PUDP: variants seen among roughly 807,000 people sequenced by gnomAD.
The protein encoded by PUDP is pseudouridine-5'-phosphatase.
Under a neutral mutation model 9.4 loss-of-function variants are expected in PUDP, and 8 were observed. The observed-to-expected ratio is 0.85, with a 90% CI of 0.50 to 1.53. The LOEUF (loss-of-function observed/expected upper bound fraction) is 1.53, where lower values mean the gene tolerates loss of function less well. PUDP is among the 40% of genes most tolerant of loss of function. The pLI, the probability that PUDP is intolerant of heterozygous loss-of-function variation, is 0.00. For synonymous variants in PUDP, 99 were observed against 80.7 expected, an observed-to-expected ratio of 1.23 and a Z score of -1.22; for missense variants, 188 against 189.7, an observed-to-expected ratio of 0.99 and a Z score of 0.05.
At chrX:6,738,512 A>G (rs1924899957) in intron 3 of PUDP, among the ~76,000 whole-genome samples, 1 of 111,831 alleles carries the variant, frequency 8.9e-6, no homozygotes, top group Admixed American at 9.5e-5. Context: ...TGTATTTTTG[A>G]AAGTTACCCT....
chrX:6,839,560 A>G (rs1399559997), intron 3 of PUDP, among the ~76,000 whole-genome samples: 1 of 111,765 alleles, frequency 8.9e-6, no homozygotes, highest in African/African-American at 3.3e-5. Flanking sequence ...ACCCTAAACC[A>G]ACGGGTTTTT....
At chrX:6,914,099 G>A (rs60621637) in intron 3 of PUDP, among the ~76,000 whole-genome samples, 3,129 of 104,255 alleles carry the variant, frequency 0.03, 68 homozygotes, top group African/African-American at 0.07. Flanking sequence ...TCTGGGAGGC[G>A]GAGCTTGCAG....
chrX:7,059,550 T>C (rs1156420827), intron 3 of PUDP, among the ~76,000 whole-genome samples: 2 of 112,039 alleles, frequency 1.8e-5, no homozygotes, highest in Non-Finnish European at 3.8e-5. Context: ...CTATCGGTTT[T>C]GTGTGTTTAG....
At chrX:6,989,672 A>G in intron 1 of PUDP, 1 of 113,482 alleles carries the variant, frequency 8.8e-6, no homozygotes, top group Middle Eastern at 4.6e-3. Flanking sequence ...GGTTGCCTTC[A>G]TGGGAAGTGC....
chrX:6,985,899 G>C (rs1929096619), intron 1 of PUDP, among the ~76,000 whole-genome samples: 1 of 111,334 alleles, frequency 9.0e-6, no homozygotes, highest in African/African-American at 3.3e-5. Context: ...TAAGTCACAG[G>C]GTGAGATAGG....
chrX:7,083,035 G>C (rs1294804819), intron 2 of PUDP, among the ~76,000 whole-genome samples: 6 of 112,721 alleles, frequency 5.3e-5, no homozygotes, highest in Middle Eastern at 4.6e-3. Flanking sequence ...CACAAGCCCA[G>C]GGATGCCTAG....
intron 3 of PUDP, among the ~76,000 whole-genome samples, chrX:6,769,913 G>A (rs954935418): frequency 8.9e-6 from 1 of 112,282 alleles, no homozygotes; most frequent in East Asian, 2.8e-4. Context: ...CAACCTAAAC[G>A]GGGGATAAAT....
In PUDP at chrX:7,019,511, G is replaced by A. The variant is rs774333400; in HGVS notation, c.205-41168C>T. 1.3e-3 allele frequency among the ~76,000 whole-genome samples: 146 copies of A among 111,791 alleles called. 1 individual carries two copies. Among genetic ancestry groups the A allele is most frequent in the Non-Finnish European group, 2.4e-3 (125 of 53,145 alleles). On this transcript the variant is annotated intron_variant and NMD_transcript_variant, in intron 1 of 3. Coordinates refer to the PUDP transcript ENST00000655425. ...GGAGACCATCCTCCCTCGTCTTACTGTAGGAAAGATGGACAGAGAGTCTGA... is the reference window on the plus strand; with the variant it reads ...GGAGACCATCCTCCCTCGTCTTACTATAGGAAAGATGGACAGAGAGTCTGA...
rs150528623 is a variant in PUDP at position 6,752,638 on chromosome X, G to C, written c.*248-46172C>G. On this transcript the variant is annotated intron_variant and NMD_transcript_variant, in intron 3 of 3. Coordinates refer to the PUDP transcript ENST00000655425. ...TATAGAACAGAGTGACGTCAGGAAG[G>C]CAAAGTCAAGAAGCCCTCAATGATG... Among the ~76,000 whole-genome samples the C allele has an allele frequency of 3.9e-4, 43 of 111,483 alleles. No homozygotes were observed. The East Asian group carries it at 0.011, about 28-fold the overall frequency.
At chrX:7,004,797 T>C (rs1236643554) in intron 1 of PUDP, among the ~76,000 whole-genome samples, 5 of 112,030 alleles carry the variant, frequency 4.5e-5, no homozygotes, top group African/African-American at 1.6e-4. Flanking sequence ...GGAGGTTCTT[T>C]CTTTAGGAAG....
At chrX:6,834,783 T>C in intron 3 of PUDP, among the ~76,000 whole-genome samples, 1 of 110,976 alleles carries the variant, frequency 9.0e-6, no homozygotes, top group South Asian at 3.9e-4. Context: ...CATCATCCCA[T>C]GGTGAAAGGG....
rs935305374 is a variant in PUDP at position 6,864,617 on chromosome X, G to T, written c.*247+112516C>A. Among the ~76,000 whole-genome samples, 8 of 111,572 alleles carry T rather than the reference G, an allele frequency of 7.2e-5. No individual in the cohort carries two copies. The Admixed American group carries it at 7.7e-4, about 11-fold the overall frequency. Reference sequence around the variant, plus strand: ...AGAAGTCCTAAGTGAATCTCACTGGGCTAAAACCTGTGTCAGTAAAGACGT... The same window carrying T: ...AGAAGTCCTAAGTGAATCTCACTGGTCTAAAACCTGTGTCAGTAAAGACGT... On this transcript the variant is annotated intron_variant and NMD_transcript_variant, in intron 3 of 3. Transcript: ENST00000655425.
intron 1 of PUDP, among the ~76,000 whole-genome samples, chrX:6,986,730 G>A (rs973705852): frequency 1.8e-5 from 2 of 111,531 alleles, no homozygotes; most frequent in African/African-American, 3.3e-5. Flanking sequence ...CTCTCTCCCC[G>A]GCTTCCAGGG....
At chrX:7,057,960 T>G in intron 3 of PUDP, 1 of 457,085 alleles carries the variant, frequency 2.2e-6, no homozygotes, top group Non-Finnish European at 3.8e-6. Context: ...TTCCCGGTGA[T>G]GCTTCCACCT....
intron 3 of PUDP, among the ~76,000 whole-genome samples, chrX:6,832,307 A>C (rs770445017): frequency 8.9e-6 from 1 of 111,995 alleles, no homozygotes; most frequent in East Asian, 2.8e-4. Context: ...CTCCTTTTGA[A>C]AGATGGGTGT....
intron 3 of PUDP, among the ~76,000 whole-genome samples, chrX:6,736,666 C>A (rs1190044139): frequency 1.8e-5 from 2 of 111,719 alleles, no homozygotes; most frequent in East Asian, 5.6e-4. Context: ...GAATACTATG[C>A]GTCCATAAAA....
chrX:6,969,166 C>A (rs1299659099), intron 3 of PUDP, among the ~76,000 whole-genome samples: 2 of 112,357 alleles, frequency 1.8e-5, no homozygotes, highest in Non-Finnish European at 3.8e-5. Context: ...GTGAATGACT[C>A]CCAAACCACC....
chrX:7,074,655 A>G (rs1365436308), intron 3 of PUDP, among the ~76,000 whole-genome samples: 4 of 112,474 alleles, frequency 3.6e-5, no homozygotes, highest in Admixed American at 1.9e-4. Flanking sequence ...AGGTTAAACA[A>G]CAACAACAAA....
chrX:6,868,263 G>C (rs891865768), intron 3 of PUDP, among the ~76,000 whole-genome samples: 7 of 111,617 alleles, frequency 6.3e-5, no homozygotes, highest in African/African-American at 2.3e-4. Flanking sequence ...AGTGGACCTG[G>C]GCTGCTACTT....
Sources: allele counts gnomAD v4.1 joint callset (sites outside exome capture counted in the v4.1 genomes callset), GRCh38; gene constraint gnomAD v4.1.1; transcripts MANE v1.5; gene names NCBI Gene and HGNC (gene_info 2026-07-23, HGNC 2026-07-21).